MEI4: variants seen among roughly 807,000 people sequenced by gnomAD.
MEI4 encodes the protein meiotic double-stranded break formation protein 4, also known as meiosis-specific protein MEI4.
MEI4 carries 27 observed loss-of-function variants against 31.4 expected under a neutral mutation model. The ratio of observed to expected loss-of-function variants is 0.86; its 90% CI spans 0.63 to 1.19. The LOEUF (loss-of-function observed/expected upper bound fraction) is 1.19. MEI4 is among the 50% of genes most tolerant of loss of function. The pLI, the probability that MEI4 is intolerant of heterozygous loss-of-function variation, is 0.00. For missense variants in MEI4, 329 were observed against 398.9 expected, an observed-to-expected ratio of 0.82 and a Z score of 1.49; for synonymous variants, 122 against 145.4, an observed-to-expected ratio of 0.84 and a Z score of 1.16.
intron 4 of MEI4, among the ~76,000 whole-genome samples, chr6:77,895,723 G>T (rs1232520995): frequency 6.6e-6 from 1 of 152,044 alleles, no homozygotes; most frequent in Non-Finnish European, 1.5e-5. Flanking sequence ...ACCTACCCTT[G>T]AGTTAGACAC....
At chr6:77,900,067 GA>G (rs539795022) in intron 4 of MEI4, among the ~76,000 whole-genome samples, 7 of 148,586 alleles carry the variant, frequency 4.7e-5, no homozygotes, top group East Asian at 3.9e-4. Flanking sequence ...AACAGCAAAG[GA>G]AAAAAAAATG....
chr6:77,653,957 CTG>C (rs1361756462), intron 1 of MEI4, among the ~76,000 whole-genome samples: 1 of 152,178 alleles, frequency 6.6e-6, no homozygotes. Context: ...GCTTGGCAAA[CTG>C]TTTCTGAACA....
chr6:77,863,779 C>T (rs1245377899), intron 4 of MEI4, among the ~76,000 whole-genome samples: 6 of 152,094 alleles, frequency 3.9e-5, no homozygotes, highest in African/African-American at 1.4e-4. Flanking sequence ...ACATAATTGT[C>T]AGATTCACCA....
At chr6:77,905,105 G>C (rs1766264414) in intron 4 of MEI4, among the ~76,000 whole-genome samples, 2 of 151,824 alleles carry the variant, frequency 1.3e-5, no homozygotes, top group Non-Finnish European at 2.9e-5. Context: ...TCTCACTTTT[G>C]TCTGGGGAAG....
At position 77,823,067 on chromosome 6, in the gene MEI4, A is replaced by G. The variant is rs143160181; in HGVS notation, c.769-5864A>G. 3.9e-5 allele frequency among the ~76,000 whole-genome samples: 6 copies of G among 152,312 alleles called. No individual in the cohort carries two copies. The East Asian group carries it at 9.7e-4, about 25-fold the overall frequency. ...GAATACATAACTAATTTCAACTATT[A>G]TAGCTTCAATTTTGTTTTGTCCTAT... On this transcript the variant is annotated intron_variant, in intron 3 of 4. Transcript: ENST00000684080.
intron 4 of MEI4, among the ~76,000 whole-genome samples, chr6:77,914,420 T>G (rs1366621265): frequency 1.3e-5 from 2 of 152,146 alleles, no homozygotes; most frequent in East Asian, 3.9e-4. Context: ...TTCTTTTTAC[T>G]GATTTTATAT....
At chr6:77,739,592 G>A (rs1767345459) in intron 2 of MEI4, among the ~76,000 whole-genome samples, 1 of 152,004 alleles carries the variant, frequency 6.6e-6, no homozygotes, top group Admixed American at 6.6e-5. Context: ...GCAAGGGGAG[G>A]GACACCATTA....
chr6:77,867,524 C>G (rs902116295), intron 4 of MEI4, among the ~76,000 whole-genome samples: 1 of 152,198 alleles, frequency 6.6e-6, no homozygotes, highest in African/African-American at 2.4e-5. Context: ...GAGATACCAC[C>G]TCACTCCAGT....
At position 77,908,719 on chromosome 6, in the gene MEI4, A is replaced by G. The variant is rs190102162; in HGVS notation, c.901-14370A>G. 1.4e-3 allele frequency among the ~76,000 whole-genome samples: 212 copies of G among 152,292 alleles called. 1 individual carries two copies. The highest frequency in any genetic ancestry group is 4.5e-3 in the African/African-American group (187 of 41,558). ...GCAATCTTAGTCTCTGATAAAACAG[A>G]CTTTAAACCAACAAAGATCAAAAGA... On this transcript the variant is annotated intron_variant, in intron 4 of 4. Transcript: ENST00000684080.
Position 77,901,734 on chromosome 6 carries a change from T to A in MEI4, c.901-21355T>A, listed in dbSNP as rs763303589. 4.6e-5 allele frequency among the ~76,000 whole-genome samples: 7 copies of A among 152,114 alleles called. No individual in the cohort carries two copies. The South Asian group carries it at 1.2e-3, about 27-fold the overall frequency. On this transcript the variant is annotated intron_variant, in intron 4 of 4. Transcript: ENST00000684080. ...TTAGCTTAGTATAATTCCATTTGAC[T>A]AGCTTTTCTTTTCTGGCCTGTACTT... is the stretch of plus-strand genomic sequence containing the variant.
chr6:77,910,482 G>A (rs1766407987), intron 4 of MEI4, among the ~76,000 whole-genome samples: 1 of 152,058 alleles, frequency 6.6e-6, no homozygotes, highest in Admixed American at 6.6e-5. Flanking sequence ...AAATACCTAG[G>A]AATCCAACTT....
intron 3 of MEI4, among the ~76,000 whole-genome samples, chr6:77,802,776 CT>C (rs1163564877): frequency 6.6e-6 from 1 of 152,198 alleles, no homozygotes; most frequent in Non-Finnish European, 1.5e-5. Flanking sequence ...AAATTGTTTT[CT>C]TTAAGAATGT....
At position 77,820,818 on chromosome 6, in the gene MEI4, C is replaced by T. The variant is rs1469781682; in HGVS notation, c.769-8113C>T. ...TGTTAGTATACATTATACTTCTTTCCTCTGTGAATTCTTGTTGTTTCTTAG... is the reference window on the plus strand; with the variant it reads ...TGTTAGTATACATTATACTTCTTTCTTCTGTGAATTCTTGTTGTTTCTTAG... On this transcript the variant is annotated intron_variant, in intron 3 of 4. Coordinates refer to ENST00000684080, the MANE Select transcript of MEI4 (RefSeq NM_001322247.2). This position sits in a 1 kb window ranked among gnomAD's most constrained non-coding sequence, Gnocchi z 4.5. 6.6e-6 allele frequency among the ~76,000 whole-genome samples: 1 copy of T among 151,484 alleles called. No homozygotes were observed. Among genetic ancestry groups the T allele is most frequent in the East Asian group, 1.9e-4 (1 of 5,174 alleles).
intron 4 of MEI4, among the ~76,000 whole-genome samples, chr6:77,840,530 A>G (rs953756850): frequency 6.6e-6 from 1 of 152,142 alleles, no homozygotes; most frequent in Admixed American, 6.6e-5. Flanking sequence ...CTCAAAGGAA[A>G]CCTCACCCAA....
chr6:77,694,509 G>T (rs1360448807), intron 2 of MEI4, among the ~76,000 whole-genome samples: 1 of 150,548 alleles, frequency 6.6e-6, no homozygotes, highest in South Asian at 2.1e-4. Flanking sequence ...GAGAACATAA[G>T]GTGTTTGGTT....
In MEI4 at chr6:77,796,549, G is replaced by A. The variant is rs571713479; in HGVS notation, c.769-32382G>A. On this transcript the variant is annotated intron_variant, in intron 3 of 4. Transcript: ENST00000684080. ...CAAAATAAACATTTAAAAAAATCAG[G>A]TGTGCTTCTATACACTAACAACAAA... 6.6e-5 allele frequency among the ~76,000 whole-genome samples: 10 copies of A among 152,142 alleles called. No homozygotes were observed. The South Asian group carries it at 1.7e-3, about 25-fold the overall frequency.
chr6:77,748,384 T>C (rs1473782180), intron 2 of MEI4, among the ~76,000 whole-genome samples: 1 of 152,220 alleles, frequency 6.6e-6, no homozygotes, highest in Non-Finnish European at 1.5e-5. Context: ...CAACACCATG[T>C]GGAAGCTGCT....
At chr6:77,695,039 C>CT (rs1207939581) in intron 2 of MEI4, among the ~76,000 whole-genome samples, 1 of 152,050 alleles carries the variant, frequency 6.6e-6, no homozygotes, top group African/African-American at 2.4e-5. Context: ...TTTCATATGT[C>CT]TTTTGGCTGC....
At chr6:77,766,024 AAGC>A (rs1320556691) in intron 3 of MEI4, among the ~76,000 whole-genome samples, 2 of 152,188 alleles carry the variant, frequency 1.3e-5, no homozygotes, top group African/African-American at 2.4e-5. Context: ...CTGATTTTCT[AAGC>A]AGCAGCTCTT....
Sources: gnomAD v4.1 joint callset for allele counts (sites outside exome capture counted in the v4.1 genomes callset) on GRCh38, gnomAD v4.1.1 for gene constraint, Gnocchi (gnomAD v3.1) non-coding constraint, MANE v1.5 for transcripts, NCBI Gene and HGNC (gene_info 2026-07-23, HGNC 2026-07-21) for gene names.